The following RBFOX1 variants were observed in gnomAD, a reference collection of about 807,000 sequenced individuals.
RBFOX1 encodes RNA binding protein fox-1 homolog 1.
Under a neutral mutation model 57.7 loss-of-function variants are expected in RBFOX1, and 8 were observed. The observed-to-expected ratio is 0.14, with a 90% confidence interval of 0.08 to 0.25. The LOEUF is 0.25. Ranked by LOEUF, RBFOX1 falls within the 10% of genes least tolerant of loss-of-function variation. The probability of loss-of-function intolerance (pLI) is 1.00; values close to 1 mark genes in which losing one functional copy is unlikely to be tolerated. For synonymous variants in RBFOX1, 326 were observed against 222.4 expected (o/e 1.47, Z -4.15); for missense variants, 611 against 548.5 (o/e 1.11, Z -1.14).
At chr16:7,332,945 C>G in intron 4 of RBFOX1, 1 of 1,611,468 alleles carries the variant, frequency 6.2e-7, no homozygotes, top group African/African-American at 1.3e-5. Flanking sequence ...ATAGATTTCC[C>G]CCTAACTCTC....
chr16:7,263,766 C>T lies in RBFOX1; in HGVS notation c.27+211668C>T, dbSNP rs1028004365. On this transcript the variant is annotated intron_variant, in intron 4 of 15. Coordinates refer to ENST00000550418, the MANE Select transcript of RBFOX1 (RefSeq NM_018723.4). ...CAAAAATTAGCTGGGTGTGGTGGCA[C>T]GTGCCTGTAATCCCAGCTGCTCAAG... is the stretch of plus-strand genomic sequence containing the variant. Among the ~76,000 whole-genome samples, 15 of 151,912 alleles carry T rather than the reference C, an allele frequency of 9.9e-5. No homozygotes were observed. The South Asian group carries it at 2.1e-3, about 21-fold the overall frequency.
At chr16:6,205,994 G>C (rs1181056378) in intron 1 of RBFOX1, among the ~76,000 whole-genome samples, 1 of 151,358 alleles carries the variant, frequency 6.6e-6, no homozygotes. Flanking sequence ...GTATTCTAGG[G>C]TCATCTAAAG....
chr16:7,040,238 C>G (rs1354294720), intron 3 of RBFOX1, among the ~76,000 whole-genome samples: 1 of 151,958 alleles, frequency 6.6e-6, no homozygotes. Flanking sequence ...CCAGGATGGT[C>G]TCGATCTCTT....
At chr16:5,274,039 G>A (rs1477513384) in intron 1 of RBFOX1, among the ~76,000 whole-genome samples, 10 of 152,196 alleles carry the variant, frequency 6.6e-5, no homozygotes, top group Non-Finnish European at 1.3e-4. Context: ...TTGTGGGGAA[G>A]GAGAATGCTA....
chr16:6,987,394 C>G (rs2090521242), intron 3 of RBFOX1, among the ~76,000 whole-genome samples: 1 of 150,606 alleles, frequency 6.6e-6, no homozygotes, highest in Non-Finnish European at 1.5e-5. Flanking sequence ...TTTCTGATTC[C>G]AGGCCCAGGT....
chr16:6,184,801 T>C (rs2097094656), intron 1 of RBFOX1, among the ~76,000 whole-genome samples: 1 of 151,958 alleles, frequency 6.6e-6, no homozygotes, highest in African/African-American at 2.4e-5. Flanking sequence ...TCTCTTGACC[T>C]CGTGATCCAC....
rs1040764660 is a variant in RBFOX1 at position 5,947,083 on chromosome 16, T to C, written c.351+79748T>C. 6.6e-6 allele frequency among the ~76,000 whole-genome samples: 1 copy of C among 152,054 alleles called. No individual in the cohort carries two copies. Among genetic ancestry groups the C allele is most frequent in the African/African-American group, 2.4e-5 (1 of 41,392 alleles). On this transcript the variant is annotated intron_variant, in intron 4 of 19. Transcript: ENST00000641259. The surrounding 1 kb of genome is among the most constrained non-coding windows in gnomAD (Gnocchi z 7.2). ...TGAAAATAAAATCATCCCATGTGGT[T>C]GTGCATACTGTAGTCCCAGATACTC...
intron 4 of RBFOX1, among the ~76,000 whole-genome samples, chr16:7,487,205 T>C (rs1208660117): frequency 6.6e-6 from 1 of 152,216 alleles, no homozygotes; most frequent in Non-Finnish European, 1.5e-5. Context: ...TTAACCACTT[T>C]CAGGCATTTG....
At chr16:7,696,748 G>A (rs1465148219) in intron 14 of RBFOX1, among the ~76,000 whole-genome samples, 2 of 152,144 alleles carry the variant, frequency 1.3e-5, no homozygotes, top group African/African-American at 2.4e-5. Context: ...GAATCAAAAA[G>A]CAGGGGAGGG....
chr16:6,129,865 A>T (rs1232172594), intron 1 of RBFOX1, among the ~76,000 whole-genome samples: 1 of 152,158 alleles, frequency 6.6e-6, no homozygotes, highest in Non-Finnish European at 1.5e-5. Context: ...AGGCCAGAAG[A>T]CAATCATATG....
intron 3 of RBFOX1, among the ~76,000 whole-genome samples, chr16:6,965,215 A>C (rs1015605409): frequency 2.0e-5 from 3 of 152,064 alleles, no homozygotes; most frequent in African/African-American, 7.2e-5. Context: ...ATCACTAATG[A>C]AAAGGAAAGC....
At chr16:6,627,606 C>T (rs564556709) in intron 2 of RBFOX1, among the ~76,000 whole-genome samples, 5 of 152,110 alleles carry the variant, frequency 3.3e-5, no homozygotes, top group African/African-American at 7.2e-5. Context: ...TGAGAATATA[C>T]TATTAACGCC....
At chr16:6,796,174 G>A (rs6500836) in intron 3 of RBFOX1, among the ~76,000 whole-genome samples, 105,210 of 151,826 alleles carry the variant, frequency 0.69, 36,928 homozygotes, top group African/African-American at 0.77. Context: ...AAGAGAGCTT[G>A]TGCAGGGAAA....
At chr16:5,899,735 C>T (rs2058261310) in intron 4 of RBFOX1, among the ~76,000 whole-genome samples, 1 of 152,172 alleles carries the variant, frequency 6.6e-6, no homozygotes, top group South Asian at 2.1e-4. Context: ...CCGCCTGGTC[C>T]ATCCACAGAT....
intron 4 of RBFOX1, among the ~76,000 whole-genome samples, chr16:7,159,916 T>C (rs921569656): frequency 1.3e-5 from 2 of 152,234 alleles, no homozygotes; most frequent in Non-Finnish European, 2.9e-5. Flanking sequence ...CACCAGATGA[T>C]TGCATTTTAT....
intron 2 of RBFOX1, among the ~76,000 whole-genome samples, chr16:6,484,964 C>T (rs2095443356): frequency 6.6e-6 from 1 of 152,166 alleles, no homozygotes; most frequent in Non-Finnish European, 1.5e-5. Context: ...AATTGTTTGG[C>T]TTAAAATGGG....
chr16:6,952,645 C>A (rs2081000547), intron 3 of RBFOX1, among the ~76,000 whole-genome samples: 1 of 151,706 alleles, frequency 6.6e-6, no homozygotes, highest in South Asian at 2.1e-4. Flanking sequence ...CTCCCTCCTC[C>A]CTCCAAAAAA....
chr16:6,342,428 C>T (rs764574330), intron 2 of RBFOX1, among the ~76,000 whole-genome samples: 3 of 152,148 alleles, frequency 2.0e-5, no homozygotes, highest in African/African-American at 4.8e-5. Flanking sequence ...GAATACAAAA[C>T]GTCAAGGTGC....
At chr16:6,782,453 C>G (rs1440628292) in intron 3 of RBFOX1, among the ~76,000 whole-genome samples, 1 of 152,058 alleles carries the variant, frequency 6.6e-6, no homozygotes, top group Non-Finnish European at 1.5e-5. Context: ...TATATAGTTT[C>G]CAGAGTTCCT....
Sources: allele counts gnomAD v4.1 joint callset (sites outside exome capture counted in the v4.1 genomes callset), GRCh38; gene constraint gnomAD v4.1.1; non-coding constraint Gnocchi (gnomAD v3.1); transcripts MANE v1.5; gene names NCBI Gene and HGNC (gene_info 2026-07-23, HGNC 2026-07-21).